The following PTPRD variants were observed in gnomAD, a reference collection of about 807,000 sequenced individuals.
PTPRD encodes the protein receptor-type tyrosine-protein phosphatase delta.
A neutral mutation model predicts 214.5 loss-of-function variants in PTPRD; 34 were observed. That is an observed-to-expected ratio of 0.16 (90% CI 0.12 to 0.21). The LOEUF (loss-of-function observed/expected upper bound fraction) is 0.21. Ranked by LOEUF, PTPRD falls within the 10% of genes least tolerant of loss-of-function variation. The pLI, the probability that PTPRD is intolerant of heterozygous loss-of-function variation, is 1.00. For missense variants in PTPRD, 2,545 were observed against 2,398.7 expected, an observed-to-expected ratio of 1.06 and a Z score of -1.27; for synonymous variants, 1,128 against 845.7, an observed-to-expected ratio of 1.33 and a Z score of -5.79.
At chr9:9,229,469 C>G (rs941415475) in intron 9 of PTPRD, among the ~76,000 whole-genome samples, 2 of 152,054 alleles carry the variant, frequency 1.3e-5, no homozygotes, top group Admixed American at 6.6e-5. Flanking sequence ...TCATTGCGCC[C>G]TTACCCAAGA....
At chr9:10,168,253 T>A (rs2099171334) in intron 3 of PTPRD, among the ~76,000 whole-genome samples, 1 of 152,210 alleles carries the variant, frequency 6.6e-6, no homozygotes, top group Non-Finnish European at 1.5e-5. Context: ...TTCAATTATT[T>A]CATCCACATT....
chr9:9,522,108 G>C (rs2096990990), intron 8 of PTPRD, among the ~76,000 whole-genome samples: 1 of 130,994 alleles, frequency 7.6e-6, no homozygotes. Context: ...GGTGAGCTGA[G>C]ATTGTGCCAT....
In PTPRD at chr9:8,948,846, A is replaced by G. The variant is rs2099086644; in HGVS notation, c.-104+69851T>C. Among the ~76,000 whole-genome samples the G allele has an allele frequency of 2.0e-5, 3 of 151,806 alleles. No homozygotes were observed. The South Asian group carries it at 6.2e-4, about 31-fold the overall frequency. ...TTTGGAAGGTAACAGATGATGTGAT[A>G]GAAGTAATTTAGGCCACAGAAGATT... On this transcript the variant is annotated intron_variant, in intron 11 of 45. Transcript: ENST00000381196.
chr9:8,846,433 C>T (rs1003493787), intron 11 of PTPRD, among the ~76,000 whole-genome samples: 1 of 152,012 alleles, frequency 6.6e-6, no homozygotes, highest in African/African-American at 2.4e-5. Flanking sequence ...CCTAATAAAA[C>T]AGAGTAAAAA....
intron 5 of PTPRD, among the ~76,000 whole-genome samples, chr9:9,805,793 A>G (rs1160703042): frequency 6.6e-6 from 1 of 152,178 alleles, no homozygotes; most frequent in Non-Finnish European, 1.5e-5. Context: ...GCTTAAGAAC[A>G]TTAATGTTCC....
At chr9:8,989,349 C>T (rs953292553) in intron 11 of PTPRD, among the ~76,000 whole-genome samples, 5 of 152,036 alleles carry the variant, frequency 3.3e-5, no homozygotes, top group African/African-American at 1.2e-4. Context: ...ACCAATTTCT[C>T]TTCATTCCTC....
intron 34 of PTPRD, among the ~76,000 whole-genome samples, chr9:8,443,308 T>C (rs1360847143): frequency 6.6e-6 from 1 of 152,210 alleles, no homozygotes; most frequent in African/African-American, 2.4e-5. Flanking sequence ...TTCCTTACTG[T>C]ATAAAATAAA....
intron 8 of PTPRD, among the ~76,000 whole-genome samples, chr9:9,436,767 C>T (rs544939148): frequency 9.9e-4 from 150 of 152,110 alleles, no homozygotes; most frequent in Non-Finnish European, 5.1e-4. Flanking sequence ...TTACACAGCA[C>T]ATATGCATAC....
At chr9:8,785,541 C>G (rs1253965100) in intron 11 of PTPRD, among the ~76,000 whole-genome samples, 1 of 152,176 alleles carries the variant, frequency 6.6e-6, no homozygotes, top group Admixed American at 6.5e-5. Flanking sequence ...TGCTTCCTGC[C>G]AGCCCCTCTG....
In PTPRD at chr9:9,215,310, C is replaced by T. The variant is rs147784022; in HGVS notation, c.-202-31947G>A. Among the ~76,000 whole-genome samples, 410 of 152,096 alleles carry T rather than the reference C, an allele frequency of 2.7e-3. 1 individual carries two copies. The highest frequency in any genetic ancestry group is 9.1e-3 in the African/African-American group (376 of 41,498). ...CAGTTACATACTTGTACTTGTTCAC[C>T]GGGAAAGTTATGGAGCTACAAGAGA... On this transcript the variant is annotated intron_variant, in intron 9 of 45. Coordinates refer to ENST00000381196, the MANE Select transcript of PTPRD (RefSeq NM_002839.4).
Position 10,060,920 on chromosome 9 carries a change from CTTTCTTTCTTTCTTTCT to C in PTPRD, c.-544-27147_-544-27131del, listed in dbSNP as rs1567409405. On this transcript the variant is annotated intron_variant, in intron 3 of 45. Coordinates refer to ENST00000381196, the MANE Select transcript of PTPRD (RefSeq NM_002839.4). ...TCCTTCTTTCTTTCTTTCTTTCTTT[CTTTCTTTCTTTCTTTCT>C]TTCTTTCTTTCTTTCTCTCTCTTCC... 1.1e-3 allele frequency among the ~76,000 whole-genome samples: 134 copies of C among 117,878 alleles called. 22 individuals are homozygous for C. The highest frequency in any genetic ancestry group is 6.2e-3 in the African/African-American group (121 of 19,472). 77.3% of individuals were successfully genotyped at this position (117,878 alleles called of 152,430 possible).
chr9:9,274,238 A>G (rs913426391), intron 9 of PTPRD, among the ~76,000 whole-genome samples: 2 of 151,248 alleles, frequency 1.3e-5, no homozygotes, highest in South Asian at 4.1e-4. Flanking sequence ...ACATATACAC[A>G]GTCTTGTGTT....
At chr9:9,341,788 C>T (rs2046900433) in intron 9 of PTPRD, among the ~76,000 whole-genome samples, 2 of 151,940 alleles carry the variant, frequency 1.3e-5, no homozygotes, top group African/African-American at 4.8e-5. Flanking sequence ...TCAAACACTT[C>T]AAGATTTTAT....
intron 35 of PTPRD, among the ~76,000 whole-genome samples, chr9:8,419,057 A>C (rs920487633): frequency 6.6e-6 from 1 of 151,838 alleles, no homozygotes; most frequent in Non-Finnish European, 1.5e-5. Flanking sequence ...CGTTTCTAAA[A>C]AATTTTAAAA....
At chr9:8,440,384 C>T (rs1296631087) in intron 34 of PTPRD, among the ~76,000 whole-genome samples, 1 of 151,502 alleles carries the variant, frequency 6.6e-6, no homozygotes, top group African/African-American at 2.4e-5. Flanking sequence ...GGTGCAATCT[C>T]GGCTCACTGT....
intron 5 of PTPRD, among the ~76,000 whole-genome samples, chr9:9,919,008 A>G (rs965533901): frequency 6.6e-6 from 1 of 152,108 alleles, no homozygotes; most frequent in Non-Finnish European, 1.5e-5. Flanking sequence ...TAATCATACT[A>G]ATCTTGATGT....
chr9:9,395,700 T>C (rs2067532886), intron 9 of PTPRD, among the ~76,000 whole-genome samples: 1 of 152,066 alleles, frequency 6.6e-6, no homozygotes, highest in Non-Finnish European at 1.5e-5. Context: ...CTTTTCTCAG[T>C]AATCTTGAGA....
chr9:8,491,117 T>C (rs1346803620), intron 27 of PTPRD, among the ~76,000 whole-genome samples: 4 of 152,262 alleles, frequency 2.6e-5, no homozygotes, highest in Admixed American at 2.6e-4. Flanking sequence ...TGGATTCTTC[T>C]GCCTTCTTCC....
intron 10 of PTPRD, among the ~76,000 whole-genome samples, chr9:9,027,360 A>G (rs2099590873): frequency 6.6e-6 from 1 of 151,914 alleles, no homozygotes; most frequent in Non-Finnish European, 1.5e-5. Flanking sequence ...TTACCATGGA[A>G]AATGCACATG....
Sources: gnomAD v4.1 joint callset for allele counts (sites outside exome capture counted in the v4.1 genomes callset) on GRCh38, gnomAD v4.1.1 for gene constraint, MANE v1.5 for transcripts, NCBI Gene and HGNC (gene_info 2026-07-23, HGNC 2026-07-21) for gene names.